Variants in DENND5B observed in about 807,000 individuals in gnomAD.
The protein encoded by DENND5B is DENN domain containing 5B.
A neutral mutation model predicts 140.6 loss-of-function variants in DENND5B; 34 were observed. That is an observed-to-expected ratio of 0.24 (90% CI 0.18 to 0.32). DENND5B has a LOEUF of 0.32. DENND5B is among the 10% of genes least tolerant of loss of function. The pLI is 1.00. For missense variants in DENND5B, 1,142 were observed against 1,560.2 expected, an observed-to-expected ratio of 0.73 and a Z score of 4.52; for synonymous variants, 551 against 562.1, an observed-to-expected ratio of 0.98 and a Z score of 0.28.
intron 1 of DENND5B, among the ~76,000 whole-genome samples, chr12:31,505,930 G>A (rs1947184273): frequency 6.6e-6 from 1 of 152,006 alleles, no homozygotes. Context: ...GACCTCCCAG[G>A]CTCAAGTGAT....
At chr12:31,443,052 G>GTA in intron 6 of DENND5B, 127 bp from the exon 7 acceptor site, 1 of 815,998 alleles carries the variant, frequency 1.2e-6, no homozygotes. Flanking sequence ...TATTGTGTGT[G>GTA]TGTGTGTGTG....
intron 1 of DENND5B, among the ~76,000 whole-genome samples, chr12:31,498,010 AGATT>A (rs903397407): frequency 1.3e-5 from 2 of 151,834 alleles, no homozygotes; most frequent in African/African-American, 4.8e-5. Context: ...AAAGAAAGAT[AGATT>A]GATTTTTTAG....
chr12:31,516,171 A>C (rs906679498), intron 1 of DENND5B, among the ~76,000 whole-genome samples: 1 of 152,086 alleles, frequency 6.6e-6, no homozygotes, highest in Non-Finnish European at 1.5e-5. Flanking sequence ...CTGTGTTAGT[A>C]TATCTCGCAC....
chr12:31,533,099 C>T (rs1948345132), intron 1 of DENND5B, among the ~76,000 whole-genome samples: 1 of 152,148 alleles, frequency 6.6e-6, no homozygotes, highest in South Asian at 2.1e-4. Flanking sequence ...ATTAAAGAAA[C>T]TACATGTAAA....
chr12:31,486,690 C>T (rs1435971873), intron 2 of DENND5B, among the ~76,000 whole-genome samples: 4 of 152,158 alleles, frequency 2.6e-5, no homozygotes, highest in African/African-American at 7.2e-5. Context: ...AACTGGTAGG[C>T]GGATGGATTG....
rs1423284934 is a variant in DENND5B at position 31,387,580 on chromosome 12, C to A, written c.*23G>T. 3.7e-6 allele frequency: 6 copies of A among 1,606,732 alleles called. No homozygotes were observed. In the South Asian group the frequency reaches 5.5e-5, roughly 15 times the overall value. ...AGTTGGGGAAGGAGCAAGGTTTGGACTGAGAGTTTCTAGCCAGTTGGGTTA... is the reference window on the plus strand; with the variant it reads ...AGTTGGGGAAGGAGCAAGGTTTGGAATGAGAGTTTCTAGCCAGTTGGGTTA... On this transcript the variant is annotated 3_prime_UTR_variant, in exon 21 of 21. Coordinates refer to ENST00000389082, the MANE Select transcript of DENND5B (RefSeq NM_144973.4).
rs371328966 is a variant in DENND5B, at chr12:31,397,456, G to A, written c.3256+719C>T. On this transcript the variant is annotated intron_variant, in intron 17 of 20. Coordinates refer to ENST00000389082, the MANE Select transcript of DENND5B (RefSeq NM_144973.4). ...CCAGCTACTTGGGAGGCTGAGGCAG[G>A]AGAATCGTTTGAACCCGGGAGGCGG... Among the ~76,000 whole-genome samples the A allele has an allele frequency of 7.4e-3, 1,027 of 138,080 alleles. 14 individuals are homozygous for A. Among genetic ancestry groups the A allele is most frequent in the African/African-American group, 0.026 (981 of 38,164 alleles). 90.6% of individuals were successfully genotyped at this position (138,080 alleles called of 152,430 possible). A position where few individuals can be genotyped will look rare whatever the true frequency, so the allele number is the denominator to read the frequency against.
chr12:31,412,038 A>G (rs773228730), intron 13 of DENND5B, among the ~76,000 whole-genome samples: 1 of 152,108 alleles, frequency 6.6e-6, no homozygotes, highest in Non-Finnish European at 1.5e-5. Flanking sequence ...CAGTGGCCCA[A>G]TACTGGCTCA....
intron 8 of DENND5B, among the ~76,000 whole-genome samples, chr12:31,427,522 C>T (rs1202523192): frequency 6.6e-6 from 1 of 151,482 alleles, no homozygotes; most frequent in Admixed American, 6.6e-5. Context: ...AGAAGAATCG[C>T]TTGAACCTGG....
chr12:31,577,260 A>C (rs936558302), intron 1 of DENND5B, among the ~76,000 whole-genome samples: 3 of 152,184 alleles, frequency 2.0e-5, no homozygotes, highest in Admixed American at 6.5e-5. Context: ...AGAAAAGAGG[A>C]AGAGAAGGGA....
In DENND5B at chr12:31,442,934, T is replaced by C; in HGVS notation, c.1862-9A>G. 1.2e-5 allele frequency: 18 copies of C among 1,547,946 alleles called. No individual in the cohort carries two copies. Among genetic ancestry groups the C allele is most frequent in the Non-Finnish European group, 1.6e-5 (18 of 1,145,920 alleles). On this transcript the variant is annotated splice_polypyrimidine_tract_variant and intron_variant, in intron 6 of 20. Transcript: ENST00000389082. ...CTGCTCAATTGATTGGGCTATAAAT[T>C]AAATTTATAATAAATTAGAGACATT...
intron 1 of DENND5B, among the ~76,000 whole-genome samples, chr12:31,539,538 T>C (rs916294199): frequency 7.9e-5 from 12 of 152,170 alleles, no homozygotes; most frequent in East Asian, 3.8e-4. Context: ...CATGACTAAA[T>C]AGGATTTATC....
chr12:31,466,198 CA>C, intron 3 of DENND5B, among the ~76,000 whole-genome samples: 1 of 151,740 alleles, frequency 6.6e-6, no homozygotes, highest in Non-Finnish European at 1.5e-5. Context: ...ACTAAAAACA[CA>C]AAAATTAGTT....
chr12:31,497,130 CA>C (rs1465500483), intron 1 of DENND5B, among the ~76,000 whole-genome samples: 1 of 150,082 alleles, frequency 6.7e-6, no homozygotes, highest in Non-Finnish European at 1.5e-5. Flanking sequence ...CCTTGGAATG[CA>C]AAACAGATCG....
At chr12:31,416,130 C>G (rs1203400328) in intron 11 of DENND5B, among the ~76,000 whole-genome samples, 1 of 152,128 alleles carries the variant, frequency 6.6e-6, no homozygotes, top group Non-Finnish European at 1.5e-5. Context: ...AGCCACCGTG[C>G]CCAGACCCAG....
At chr12:31,559,324 T>C (rs1949398339) in intron 1 of DENND5B, among the ~76,000 whole-genome samples, 1 of 152,172 alleles carries the variant, frequency 6.6e-6, no homozygotes. Flanking sequence ...GAGGACACTG[T>C]CTCCTATGCC....
chr12:31,434,040 A>G (rs773582675), intron 7 of DENND5B, among the ~76,000 whole-genome samples: 1 of 152,196 alleles, frequency 6.6e-6, no homozygotes, highest in Non-Finnish European at 1.5e-5. Flanking sequence ...CCTCATCTGT[A>G]AAGTCTAAGG....
intron 1 of DENND5B, among the ~76,000 whole-genome samples, chr12:31,583,229 T>C (rs951333880): frequency 3.3e-5 from 5 of 149,920 alleles, no homozygotes; most frequent in Non-Finnish European, 5.9e-5. Flanking sequence ...GAGGCGGAGA[T>C]TGCAGTGAGG....
chr12:31,495,219 C>A (rs1169387693), intron 2 of DENND5B, among the ~76,000 whole-genome samples: 2 of 152,138 alleles, frequency 1.3e-5, no homozygotes. Context: ...AAAGCTTCTA[C>A]ATATTAATAC....
Sources: gnomAD v4.1 joint callset for allele counts (sites outside exome capture counted in the v4.1 genomes callset) on GRCh38, gnomAD v4.1.1 for gene constraint, MANE v1.5 for transcripts, NCBI Gene and HGNC (gene_info 2026-07-23, HGNC 2026-07-21) for gene names.